The following DNAH11 variants were observed in gnomAD, a reference collection of about 807,000 sequenced individuals.
DNAH11 encodes dynein axonemal heavy chain 11.
Under a neutral mutation model 526.0 loss-of-function variants are expected in DNAH11, and 442 were observed. That is an observed-to-expected ratio of 0.84 (90% CI 0.78 to 0.91). DNAH11 has a LOEUF of 0.91. Ranked by LOEUF, DNAH11 falls within the 40% of genes least tolerant of loss-of-function variation. The pLI, the probability that DNAH11 is intolerant of heterozygous loss-of-function variation, is 0.00. For missense variants in DNAH11, 6,989 were observed against 5,448.7 expected (o/e 1.28, Z -8.90); for synonymous variants, 2,461 against 1,935.9 (o/e 1.27, Z -7.12).
At chr7:21,799,800 C>T (rs1425750358) in intron 61 of DNAH11, among the ~76,000 whole-genome samples, 11 of 152,082 alleles carry the variant, frequency 7.2e-5, no homozygotes, top group Admixed American at 2.6e-4. Context: ...ACTGGGTCAT[C>T]GACAAATATA....
chr7:21,613,672 T>A (rs527353622), intron 20 of DNAH11, among the ~76,000 whole-genome samples: 3 of 152,262 alleles, frequency 2.0e-5, no homozygotes, highest in Non-Finnish European at 2.9e-5. Flanking sequence ...GCTGAGTAGA[T>A]TTTAAGTGTT....
At position 21,548,604 on chromosome 7, in the gene DNAH11, A is replaced by G. The variant is rs75071015; in HGVS notation, c.495+3455A>G. Reference sequence around the variant, plus strand: ...AGAGTGAAGGCAATTGGACTAAAGCACAAGTCCTGATCCAACTGGAAGGTA... The same window carrying G: ...AGAGTGAAGGCAATTGGACTAAAGCGCAAGTCCTGATCCAACTGGAAGGTA... On this transcript the variant is annotated intron_variant, in intron 2 of 81. Transcript: ENST00000409508. Among the ~76,000 whole-genome samples the G allele has an allele frequency of 9.6e-3, 1,456 of 152,300 alleles. 20 individuals are homozygous for G. Among genetic ancestry groups the G allele is most frequent in the African/African-American group, 0.033 (1,374 of 41,550 alleles).
At chr7:21,895,411 T>A (rs920910114) in intron 79 of DNAH11, among the ~76,000 whole-genome samples, 2 of 152,204 alleles carry the variant, frequency 1.3e-5, no homozygotes, top group East Asian at 1.9e-4. Flanking sequence ...TGCCTTCTCA[T>A]AGACAACCTT....
In DNAH11 at chr7:21,808,014, G is replaced by A. The variant is rs753735361; in HGVS notation, c.10297G>A (p.Val3433Met). The A allele has an allele frequency of 6.3e-7, 1 of 1,579,466 alleles. No individual in the cohort carries two copies. Among genetic ancestry groups the A allele is most frequent in the Non-Finnish European group, 8.6e-7 (1 of 1,156,798 alleles). Residue 3433 changes from valine to methionine, a missense_variant, in exon 63 of 82, where the codon GTG becomes ATG. By Grantham distance (21) the Val-to-Met change is conservative. Transcript: ENST00000409508. ...CACAAGGCAGTATCGCCAGGAGCTG[G>A]TGCACTGCAAGTGGGTTCCCTTTCT... ...PFTRQYRQELVHCKWVPFLQQ... is the reference protein window; with the variant it reads ...PFTRQYRQELMHCKWVPFLQQ...
chr7:21,720,598 A>G (rs1216363974), intron 43 of DNAH11, 127 bp from the exon 44 acceptor site: 73 of 1,083,480 alleles, frequency 6.7e-5, no homozygotes, highest in Non-Finnish European at 8.5e-5. Flanking sequence ...GTCTCTCCCA[A>G]TGTAGCAAAT....
At chr7:21,660,045 G>A (rs1782178588) in intron 30 of DNAH11, among the ~76,000 whole-genome samples, 1 of 151,970 alleles carries the variant, frequency 6.6e-6, no homozygotes, top group African/African-American at 2.4e-5. Context: ...TATTTAATAG[G>A]CTTGAAGTTA....
chr7:21,704,169 A>G (rs1373674845), intron 37 of DNAH11, among the ~76,000 whole-genome samples: 1 of 152,254 alleles, frequency 6.6e-6, no homozygotes, highest in East Asian at 1.9e-4. Context: ...TCTGAAGATC[A>G]AAACAGATCA....
intron 20 of DNAH11, among the ~76,000 whole-genome samples, chr7:21,608,104 C>T (rs921611332): frequency 1.3e-5 from 2 of 149,960 alleles, no homozygotes; most frequent in African/African-American, 2.5e-5. Flanking sequence ...TTCTTTTGCC[C>T]GTAACTTTTA....
Position 21,789,202 on chromosome 7 carries a change from T to G in DNAH11, c.9925-39T>G, listed in dbSNP as rs748676425. 3.6e-6 allele frequency: 5 copies of G among 1,399,870 alleles called. No individual in the cohort carries two copies. The South Asian group carries it at 6.2e-5, about 17-fold the overall frequency. 86.7% of individuals were successfully genotyped at this position (1,399,870 alleles called of 1,614,324 possible). A position where few individuals can be genotyped will look rare whatever the true frequency, so the allele number is the denominator to read the frequency against. ...ATCCTATCTGGGATTGAATGATTAC[T>G]TATCCTCTTTGTATCTGTATTAATT... On this transcript the variant is annotated intron_variant, in intron 60 of 81. Coordinates refer to ENST00000409508, the MANE Select transcript of DNAH11 (RefSeq NM_001277115.2).
intron 46 of DNAH11, among the ~76,000 whole-genome samples, chr7:21,737,420 A>G (rs905337158): frequency 2.6e-5 from 4 of 152,214 alleles, no homozygotes; most frequent in African/African-American, 7.2e-5. Context: ...TGATCACACC[A>G]ACTATAGAGA....
Position 21,589,392 on chromosome 7 carries a change from T to A in DNAH11, c.2158T>A (p.Phe720Ile). ...CATAAATGGTCTTCTCTGTGTCAAT[T>A]TTGACCCAAAGGTAGGGATTTGATT... is the stretch of plus-strand genomic sequence containing the variant. ...SAINGLLCVNFDPKLVAVLRE... is the reference protein window; with the variant it reads ...SAINGLLCVNIDPKLVAVLRE... Residue 720 changes from phenylalanine to isoleucine, a missense_variant, in exon 12 of 82, where the codon TTT (phenylalanine) becomes ATT (isoleucine). By Grantham distance (21) the Phe-to-Ile change is conservative. Coordinates refer to ENST00000409508, the MANE Select transcript of DNAH11 (RefSeq NM_001277115.2). 1 of 1,600,672 alleles carries A rather than the reference T, an allele frequency of 6.2e-7. No homozygotes were observed. The highest frequency in any genetic ancestry group is 8.5e-7 in the Non-Finnish European group (1 of 1,175,134).
At chr7:21,785,005 A>C (rs568310236) in intron 58 of DNAH11, among the ~76,000 whole-genome samples, 1 of 152,318 alleles carries the variant, frequency 6.6e-6, no homozygotes, top group Non-Finnish European at 1.5e-5. Context: ...TTCGAGCTTC[A>C]TGTTGTTTGT....
At chr7:21,892,742 G>T (rs1784370847) in intron 77 of DNAH11, 75 bp downstream of exon 77, 2 of 1,447,996 alleles carry the variant, frequency 1.4e-6, no homozygotes, top group South Asian at 2.8e-5. Context: ...AATCTTAATT[G>T]TGCAAATCAA....
intron 62 of DNAH11, among the ~76,000 whole-genome samples, chr7:21,802,559 A>G (rs574384030): frequency 4.6e-5 from 7 of 152,334 alleles, no homozygotes; most frequent in South Asian, 2.1e-4. Context: ...AAGAATAGAA[A>G]CAACCCACAT....
Position 21,588,514 on chromosome 7 carries a change from T to C in DNAH11, c.1851T>C (p.Ile617=). 1 of 1,613,486 alleles carries C rather than the reference T, an allele frequency of 6.2e-7. No homozygotes were observed. Among genetic ancestry groups the C allele is most frequent in the Non-Finnish European group, 8.5e-7 (1 of 1,179,550 alleles). ...KQLYNEHMKQ[I]ECGHVVLNKN... is the part of the protein sequence containing the mutation. ...TTCACCAAAATATCAACTTGCAGAT[T>C]GAATGTGGTCATGTAGTTCTTAACA... is the stretch of plus-strand genomic sequence containing the variant. Residue 617 remains isoleucine (I), a splice_region_variant and synonymous_variant, in exon 11 of 82, where the codon ATT becomes ATC. Coordinates refer to ENST00000409508, the MANE Select transcript of DNAH11 (RefSeq NM_001277115.2).
Position 21,854,433 on chromosome 7 carries a change from C to G in DNAH11, c.11180C>G (p.Pro3727Arg), listed in dbSNP as rs1446221874. The change falls in exon 68 of 82, where the codon CCC becomes CGC. Residue 3727 changes from proline (P) to arginine (R), a missense_variant. Transcript: ENST00000409508. ...ATTAATGACCTCCAAAAAATCAACC[C>G]CCTCTACCAATTCTCTTTGAAGGTA... Reference protein sequence around the residue: ...FVINDLQKINPLYQFSLKAFN... With the variant: ...FVINDLQKINRLYQFSLKAFN... The G allele has an allele frequency of 6.2e-7, 1 of 1,613,724 alleles. No homozygotes were observed. The highest frequency in any genetic ancestry group is 2.2e-5 in the East Asian group (1 of 44,842).
chr7:21,833,242 C>T (rs6461608), intron 65 of DNAH11, among the ~76,000 whole-genome samples: 36,269 of 152,088 alleles, frequency 0.24, 5,759 homozygotes, highest in African/African-American at 0.44. Flanking sequence ...ACATGAAGTT[C>T]ATGAAGTATG....
chr7:21,886,581 A>G (rs565510515), intron 76 of DNAH11, among the ~76,000 whole-genome samples: 1 of 152,272 alleles, frequency 6.6e-6, no homozygotes, highest in South Asian at 2.1e-4. Context: ...GGAGATGGGA[A>G]AGCTAAACAG....
intron 25 of DNAH11, among the ~76,000 whole-genome samples, chr7:21,623,456 C>T (rs1209621838): frequency 6.6e-6 from 1 of 152,162 alleles, no homozygotes; most frequent in African/African-American, 2.4e-5. Context: ...CCAGGCATCC[C>T]ATTACTGGGT....
Sources: allele counts gnomAD v4.1 joint callset (sites outside exome capture counted in the v4.1 genomes callset), GRCh38; gene constraint gnomAD v4.1.1; transcripts MANE v1.5; gene names NCBI Gene and HGNC (gene_info 2026-07-23, HGNC 2026-07-21).